Variants in TENM3 observed in about 807,000 individuals in gnomAD.
The protein encoded by TENM3 is teneurin transmembrane protein 3.
In TENM3, 63 loss-of-function variants were observed where a neutral mutation model predicts 255.1. The observed-to-expected ratio is 0.25, with a 90% CI of 0.20 to 0.30. TENM3 has a LOEUF of 0.30. Ranked by LOEUF, TENM3 falls within the 10% of genes least tolerant of loss-of-function variation. TENM3 has a pLI of 1.00. For synonymous variants in TENM3, 1,306 were observed against 1,322.3 expected, an observed-to-expected ratio of 0.99 and a Z score of 0.27; for missense variants, 2,929 against 3,461.1, an observed-to-expected ratio of 0.85 and a Z score of 3.86.
chr4:181,781,357 C>T, the TENM3 span, among the ~76,000 whole-genome samples: 1 of 152,054 alleles, frequency 6.6e-6, no homozygotes, highest in Non-Finnish European at 1.5e-5. Context: ...AAGTTGGATT[C>T]CTAGGTGTTT....
At chr4:182,435,984 G>C (rs976315866) in intron 3 of TENM3, among the ~76,000 whole-genome samples, 1 of 151,624 alleles carries the variant, frequency 6.6e-6, no homozygotes, top group African/African-American at 2.4e-5. Flanking sequence ...CTAACTCTAG[G>C]CACAGGAAAA....
chr4:182,124,370 A>C, the TENM3 span, among the ~76,000 whole-genome samples: 10 of 152,290 alleles, frequency 6.6e-5, no homozygotes, highest in East Asian at 1.9e-3. Flanking sequence ...CCGTTTACAC[A>C]ATCTAGTGGA....
At chr4:181,649,072 C>A in the TENM3 span, among the ~76,000 whole-genome samples, 1 of 152,102 alleles carries the variant, frequency 6.6e-6, no homozygotes, top group African/African-American at 2.4e-5. Context: ...CTTGTGGTTA[C>A]TGTGGGCAAG....
the TENM3 span, among the ~76,000 whole-genome samples, chr4:181,903,251 T>A: frequency 6.6e-6 from 1 of 152,100 alleles, no homozygotes; most frequent in Admixed American, 6.5e-5. Flanking sequence ...TATATGTGTA[T>A]ATATATTTGC....
intron 3 of TENM3, among the ~76,000 whole-genome samples, chr4:182,585,062 C>T (rs150469701): frequency 1.3e-5 from 2 of 152,156 alleles, no homozygotes; most frequent in Non-Finnish European, 2.9e-5. Context: ...AAAAGAAATA[C>T]GGCAAAAACA....
the TENM3 span, among the ~76,000 whole-genome samples, chr4:182,026,276 G>T: frequency 2.0e-5 from 3 of 152,070 alleles, no homozygotes; most frequent in Admixed American, 1.3e-4. Flanking sequence ...AGAAATGTCT[G>T]TTCAAATCTT....
chr4:181,947,549 T>A, the TENM3 span, among the ~76,000 whole-genome samples: 3 of 152,112 alleles, frequency 2.0e-5, no homozygotes, highest in Non-Finnish European at 4.4e-5. Flanking sequence ...TACTGAGGAG[T>A]GTTACCATTC....
chr4:182,603,469 AAAG>A (rs1748092574), intron 4 of TENM3, among the ~76,000 whole-genome samples: 1 of 152,144 alleles, frequency 6.6e-6, no homozygotes, highest in African/African-American at 2.4e-5. Flanking sequence ...TCGCTAATCA[AAAG>A]AAATGATATT....
the TENM3 span, among the ~76,000 whole-genome samples, chr4:181,476,724 C>G: frequency 1.3e-5 from 2 of 152,124 alleles, no homozygotes; most frequent in Non-Finnish European, 2.9e-5. Context: ...CTCATAAATA[C>G]GTTTCCAATG....
the TENM3 span, among the ~76,000 whole-genome samples, chr4:181,622,092 G>A: frequency 2.6e-4 from 39 of 152,248 alleles, no homozygotes; most frequent in African/African-American, 7.9e-4. Context: ...TTAGACACAG[G>A]ATTAATCCTC....
chr4:181,952,888 C>G, the TENM3 span, among the ~76,000 whole-genome samples: 1 of 152,238 alleles, frequency 6.6e-6, no homozygotes, highest in South Asian at 2.1e-4. Flanking sequence ...ACCTCATCCT[C>G]ATTCCAGAGT....
At chr4:181,492,882 C>T in the TENM3 span, among the ~76,000 whole-genome samples, 1 of 152,118 alleles carries the variant, frequency 6.6e-6, no homozygotes, top group Non-Finnish European at 1.5e-5. Flanking sequence ...AAGATAACCT[C>T]TTTTTAATTC....
rs182679769 is a variant in TENM3, at chr4:182,307,484, A to G, written c.-75-16462A>G. ...GAAAGAGATGGAAATGTAGAGTAGC[A>G]CTCACCTGAGGAAGGTATTTTCATG... On this transcript the variant is annotated intron_variant, in intron 1 of 27. Coordinates refer to ENST00000511685, the MANE Select transcript of TENM3 (RefSeq NM_001080477.4). 2.6e-5 allele frequency among the ~76,000 whole-genome samples: 4 copies of G among 152,166 alleles called. No individual in the cohort carries two copies. The East Asian group carries it at 5.8e-4, about 22-fold the overall frequency.
At chr4:181,794,981 C>G in the TENM3 span, among the ~76,000 whole-genome samples, 3 of 152,208 alleles carry the variant, frequency 2.0e-5, no homozygotes, top group South Asian at 6.2e-4. Context: ...CAAGGTAATT[C>G]GGATTGGGAA....
chr4:182,368,039 T>C (rs1160397892), intron 3 of TENM3, among the ~76,000 whole-genome samples: 12 of 152,206 alleles, frequency 7.9e-5, no homozygotes, highest in Admixed American at 6.5e-5. Flanking sequence ...AATTTGCTGC[T>C]AGAGTAAGAC....
chr4:181,898,906 A>T, the TENM3 span, among the ~76,000 whole-genome samples: 1 of 152,298 alleles, frequency 6.6e-6, no homozygotes, highest in Admixed American at 6.5e-5. Context: ...ATTCTAAAAA[A>T]GAACATTCTG....
chr4:182,469,701 G>A (rs1297001426), intron 3 of TENM3, among the ~76,000 whole-genome samples: 23 of 145,580 alleles, frequency 1.6e-4, no homozygotes, highest in African/African-American at 5.7e-4. Context: ...GCAACAGAGC[G>A]AGACTCTGTC....
the TENM3 span, among the ~76,000 whole-genome samples, chr4:181,917,090 A>C: frequency 6.6e-6 from 1 of 152,154 alleles, no homozygotes; most frequent in African/African-American, 2.4e-5. Flanking sequence ...AACAGTCTAA[A>C]AATATTTATT....
At chr4:182,415,820 C>T (rs1394228582) in intron 3 of TENM3, among the ~76,000 whole-genome samples, 3 of 151,948 alleles carry the variant, frequency 2.0e-5, no homozygotes, top group Admixed American at 6.6e-5. Flanking sequence ...GCAGTTTTTT[C>T]AATTGTGACC....
Sources: gnomAD v4.1 joint callset for allele counts (sites outside exome capture counted in the v4.1 genomes callset) on GRCh38, gnomAD v4.1.1 for gene constraint, MANE v1.5 for transcripts, NCBI Gene and HGNC (gene_info 2026-07-23, HGNC 2026-07-21) for gene names.